AVL9: variants seen among roughly 807,000 people sequenced by gnomAD.
The protein encoded by AVL9 is AVL9 cell migration associated, also known as late secretory pathway protein AVL9 homolog.
AVL9 carries 49 observed loss-of-function variants against 79.2 expected under a neutral mutation model. The ratio of observed to expected loss-of-function variants is 0.62; its 90% confidence interval spans 0.49 to 0.79. The LOEUF is 0.79. AVL9 is among the 30% of genes least tolerant of loss of function. AVL9 has a pLI of 0.00. For missense variants in AVL9, 682 were observed against 776.8 expected, an observed-to-expected ratio of 0.88 and a Z score of 1.45; for synonymous variants, 299 against 280.6, an observed-to-expected ratio of 1.07 and a Z score of -0.65.
chr7:32,499,252 T>TA (rs1256528835), intron 1 of AVL9, among the ~76,000 whole-genome samples: 1 of 152,074 alleles, frequency 6.6e-6, no homozygotes, highest in East Asian at 1.9e-4. Flanking sequence ...TGGCTTGTTA[T>TA]AGATTGTGTA....
intron 10 of AVL9, among the ~76,000 whole-genome samples, chr7:32,562,324 G>T (rs568917544): frequency 6.6e-6 from 1 of 152,226 alleles, no homozygotes; most frequent in African/African-American, 2.4e-5. Flanking sequence ...TATAAGTGAG[G>T]TAAGTTATAA....
intron 1 of AVL9, chr7:32,534,579 G>A (rs934128057): frequency 6.6e-6 from 1 of 152,126 alleles, no homozygotes; most frequent in Non-Finnish European, 1.5e-5. Flanking sequence ...CTCATTCTCT[G>A]TTAAGACTAC....
chr7:32,533,605 G>A (rs567572970), intron 1 of AVL9: 4 of 152,236 alleles, frequency 2.6e-5, no homozygotes, highest in Non-Finnish European at 4.4e-5. Flanking sequence ...TGATGCCCAG[G>A]GCTTTTTCGT....
At position 32,579,472 on chromosome 7, in the gene AVL9, T is replaced by TTA. The variant is rs368045536; in HGVS notation, c.1689-743_1689-742dup. On this transcript the variant is annotated intron_variant, in intron 13 of 15. Transcript: ENST00000318709. Reference sequence around the variant, plus strand: ...TATATTATATATTATATATAATATATTATATTATATATAATATATTACATA... The same window carrying TTA: ...TATATTATATATTATATATAATATATTATATATTATATATAATATATTACATA... 3.7e-3 allele frequency among the ~76,000 whole-genome samples: 18 copies of TTA among 4,920 alleles called. 3 individuals are homozygous for TTA. Among genetic ancestry groups the TTA allele is most frequent in the Admixed American group, 0.022 (4 of 184 alleles). 3.2% of individuals were successfully genotyped at this position (4,920 alleles called of 152,430 possible).
Position 32,554,596 on chromosome 7 carries a change from G to A in AVL9, c.609G>A (p.Lys203=). 2 of 1,513,046 alleles carry A rather than the reference G, an allele frequency of 1.3e-6. No homozygotes were observed. The highest frequency in any genetic ancestry group is 1.3e-5 in the South Asian group (1 of 79,594). The allele number at this position is 1,513,046 out of a possible 1,614,324, so 93.7% of individuals were successfully genotyped here. A position where few individuals can be genotyped will look rare whatever the true frequency, so the allele number is the denominator to read the frequency against. Residue 203 remains lysine, a splice_region_variant and synonymous_variant, in exon 8 of 16, where the codon AAG becomes AAA. Transcript: ENST00000318709. ...TTAAGCTAATTCTTCTTGAAAAAAAGGTACGATCCTAAGGGATGAAAGGAA... is the reference window on the plus strand; with the variant it reads ...TTAAGCTAATTCTTCTTGAAAAAAAAGTACGATCCTAAGGGATGAAAGGAA... The part of the protein sequence containing the change: ...ILFKLILLEK[K]VLFYISPVNK...
rs1472687493 is a variant in AVL9 at position 32,583,819 on chromosome 7, G to A, written c.1859G>A (p.Ser620Asn). Residue 620 changes from serine (S) to asparagine (N), a missense_variant, in exon 16 of 16, where the codon AGT (serine) becomes AAT (asparagine). Physicochemically the swap from Ser to Asn is conservative, Grantham distance 46. Coordinates refer to ENST00000318709, the MANE Select transcript of AVL9 (RefSeq NM_015060.3). ...VGQSVGGAFS[S>N]AKTAMSSWLS... The stretch of plus-strand genomic sequence containing the variant: ...CAGTCAGTTGGAGGAGCTTTTTCCA[G>A]TGCAAAGACAGCTATGTCTTCATGG... 1 of 1,613,998 alleles carries A rather than the reference G, an allele frequency of 6.2e-7. No homozygotes were observed. Among genetic ancestry groups the A allele is most frequent in the East Asian group, 2.2e-5 (1 of 44,878 alleles).
chr7:32,562,661 T>G, intron 10 of AVL9: 1 of 981,288 alleles, frequency 1.0e-6, no homozygotes, highest in Non-Finnish European at 1.2e-6. Context: ...ATCTCACACC[T>G]GTAATCCCAG....
chr7:32,516,556 C>T (rs1474203354), intron 1 of AVL9, among the ~76,000 whole-genome samples: 3 of 152,124 alleles, frequency 2.0e-5, no homozygotes, highest in Non-Finnish European at 4.4e-5. Flanking sequence ...TGACCCCCAG[C>T]AACGTGCAGC....
intron 1 of AVL9, among the ~76,000 whole-genome samples, chr7:32,520,441 G>T (rs1171374102): frequency 6.6e-6 from 1 of 152,144 alleles, no homozygotes; most frequent in African/African-American, 2.4e-5. Flanking sequence ...GAGTATATGT[G>T]ATCCAAAGGC....
At chr7:32,505,317 A>G (rs1787360175) in intron 1 of AVL9, among the ~76,000 whole-genome samples, 2 of 151,384 alleles carry the variant, frequency 1.3e-5, no homozygotes, top group South Asian at 4.2e-4. Context: ...CAAGGTCAGG[A>G]GTTTGAGACC....
chr7:32,513,150 G>A (rs1361405469), intron 1 of AVL9, among the ~76,000 whole-genome samples: 1 of 152,178 alleles, frequency 6.6e-6, no homozygotes, highest in African/African-American at 2.4e-5. Context: ...AACCTGCAAT[G>A]AAAAGCTTTT....
Position 32,535,361 on chromosome 7 carries a change from G to C in AVL9, c.94-7780G>C, listed in dbSNP as rs144980148. ...GTCACCAATCTAAGTTATCTGACCT[G>C]AGAAATCAGGAGAAAGAGAAACAAA... On this transcript the variant is annotated intron_variant, in intron 1 of 15. Coordinates refer to ENST00000318709, the MANE Select transcript of AVL9 (RefSeq NM_015060.3). The C allele has an allele frequency of 6.8e-3, 1,042 of 152,350 alleles. 6 individuals are homozygous for C. Among genetic ancestry groups the C allele is most frequent in the Non-Finnish European group, 0.011 (742 of 68,042 alleles). 9.4% of individuals were successfully genotyped at this position (152,350 alleles called of 1,614,324 possible). A position where few individuals can be genotyped will look rare whatever the true frequency, so the allele number is the denominator to read the frequency against.
intron 2 of AVL9, among the ~76,000 whole-genome samples, 156 bp from the exon 3 acceptor site, chr7:32,544,538 A>G (rs1056922087): frequency 3.3e-5 from 5 of 152,188 alleles, no homozygotes; most frequent in Admixed American, 1.3e-4. Context: ...AATTCTAGGA[A>G]ACCATTGGTT....
intron 1 of AVL9, chr7:32,531,924 G>GT (rs1788675490): frequency 6.6e-6 from 1 of 152,360 alleles, no homozygotes; most frequent in African/African-American, 2.4e-5. Flanking sequence ...TAACAGATCA[G>GT]TGGGCCCTCT....
chr7:32,530,499 A>G (rs898261180), intron 1 of AVL9, among the ~76,000 whole-genome samples: 16 of 152,250 alleles, frequency 1.1e-4, no homozygotes, highest in African/African-American at 3.1e-4. Flanking sequence ...TAACAATGCT[A>G]TTTATTCTCA....
At chr7:32,504,643 T>A (rs1266843836) in intron 1 of AVL9, among the ~76,000 whole-genome samples, 1 of 152,224 alleles carries the variant, frequency 6.6e-6, no homozygotes, top group Admixed American at 6.5e-5. Context: ...TTTCCACTTC[T>A]ATGATTCTAA....
chr7:32,565,514 G>A (rs1790521649), intron 10 of AVL9, among the ~76,000 whole-genome samples: 1 of 148,976 alleles, frequency 6.7e-6, no homozygotes, highest in Admixed American at 6.8e-5. Flanking sequence ...AGTGGAGATC[G>A]TGCCATTGCA....
intron 1 of AVL9, chr7:32,538,444 A>G (rs543887213): frequency 6.6e-6 from 1 of 152,332 alleles, no homozygotes; most frequent in Non-Finnish European, 1.5e-5. Context: ...TACACATACA[A>G]CACAGCTAGA....
At position 32,503,375 on chromosome 7, in the gene AVL9, C is replaced by T. The variant is rs867558079; in HGVS notation, c.93+7573C>T. Among the ~76,000 whole-genome samples, 70 of 132,692 alleles carry T rather than the reference C, an allele frequency of 5.3e-4. 1 individual carries two copies. Among genetic ancestry groups the T allele is most frequent in the African/African-American group, 2.2e-3 (69 of 31,790 alleles). 87.1% of individuals were successfully genotyped at this position (132,692 alleles called of 152,430 possible). On this transcript the variant is annotated intron_variant, in intron 1 of 15. Transcript: ENST00000318709. Reference sequence around the variant, plus strand: ...AGATATAGAGAGATATATATATATACACACACACACACACACACACACACA... The same window carrying T: ...AGATATAGAGAGATATATATATATATACACACACACACACACACACACACA...
Sources: allele counts gnomAD v4.1 joint callset (sites outside exome capture counted in the v4.1 genomes callset), GRCh38; gene constraint gnomAD v4.1.1; transcripts MANE v1.5; gene names NCBI Gene and HGNC (gene_info 2026-07-23, HGNC 2026-07-21).